TARBP2: variants seen among roughly 807,000 people sequenced by gnomAD.
TARBP2 encodes the protein TARBP2 subunit of RISC loading complex, also known as RISC-loading complex subunit TARBP2.
Under a neutral mutation model 40.4 loss-of-function variants are expected in TARBP2, and 23 were observed. That is an observed-to-expected ratio of 0.57 (90% CI 0.41 to 0.81). TARBP2 has a LOEUF of 0.81. Among genes scored for constraint, TARBP2 ranks in the 30% least tolerant of loss-of-function variants. The pLI is 0.00. For missense variants in TARBP2, 358 were observed against 473.7 expected (o/e 0.76, Z 2.27); for synonymous variants, 183 against 190.5 (o/e 0.96, Z 0.32).
At chr12:53,503,865 T>C (rs750233564) in intron 4 of TARBP2, 57 bp downstream of exon 4, 3 of 1,386,092 alleles carry the variant, frequency 2.2e-6, no homozygotes, top group Non-Finnish European at 2.1e-6. Context: ...TGGTTTTTGG[T>C]CCCTCAGTCC....
At chr12:53,501,203 C>G, upstream of TARBP2, 1 of 594,788 alleles carries the variant, frequency 1.7e-6, no homozygotes, top group South Asian at 2.1e-5. Flanking sequence ...GCGAGCCACG[C>G]ACGCAGAGGG....
In TARBP2 at chr12:53,503,772, C is replaced by G. The variant is rs183009410; in HGVS notation, c.386C>G (p.Ala129Gly). The G allele has an allele frequency of 1.2e-6, 2 of 1,614,214 alleles. No homozygotes were observed. Among genetic ancestry groups the G allele is most frequent in the East Asian group, 2.2e-5 (1 of 44,888 alleles). ...PEDIPVFTAA[A>G]AATPVPSVVL... is the part of the protein sequence containing the mutation. ...GACATTCCGGTTTTTACTGCTGCAG[C>G]AGCTGCTACCCCAGTTCCATCTGTA... The change falls in exon 4 of 9, where the codon GCA becomes GGA. Residue 129 changes from alanine to glycine, a missense_variant. Ala to Gly is a moderately conservative substitution (Grantham distance 60, BLOSUM62 0). Around this residue, in one of 3 missense-constraint regions of TARBP2, gnomAD observed 317 missense variants for 422.9 expected, o/e 0.75. Coordinates refer to ENST00000266987, the MANE Select transcript of TARBP2 (RefSeq NM_134323.2).
At position 53,506,181 on chromosome 12, in the gene TARBP2, T is replaced by C. The variant is rs1462439135; in HGVS notation, c.*33T>C. The C allele has an allele frequency of 6.2e-7, 1 of 1,601,746 alleles. No homozygotes were observed. Among genetic ancestry groups the C allele is most frequent in the Non-Finnish European group, 8.5e-7 (1 of 1,172,076 alleles). On this transcript the variant is annotated 3_prime_UTR_variant, in exon 9 of 9. Transcript: ENST00000266987. ...GCTGGACTCATGGATGTGCACCCTT[T>C]GCTCCCTGCTCTTTCTGCCTCTGGG...
chr12:53,503,017 CCT>C lies in TARBP2; in HGVS notation c.224-4_224-3del, dbSNP rs1802500861. Reference sequence around the variant, plus strand: ...GTGACCTCCAGTATTGCCCATGCCCCCTCTCTCAGGTCAGGGCCCCAGCAAGA... The same window carrying C: ...GTGACCTCCAGTATTGCCCATGCCCCCTCTCAGGTCAGGGCCCCAGCAAGA... On this transcript the variant is annotated splice_region_variant and splice_polypyrimidine_tract_variant and intron_variant, in intron 2 of 8. Transcript: ENST00000266987. 1 of 1,547,572 alleles carries C rather than the reference CCT, an allele frequency of 6.5e-7. No individual in the cohort carries two copies. The highest frequency in any genetic ancestry group is 1.7e-4 in the Middle Eastern group (1 of 5,964).
Position 53,504,733 on chromosome 12 carries a change from G to C in TARBP2, c.531G>C (p.Glu177Asp), listed in dbSNP as rs1378855936. The C allele has an allele frequency of 3.1e-6, 5 of 1,614,066 alleles. No homozygotes were observed. In the South Asian group the frequency reaches 5.5e-5, roughly 18 times the overall value. ...LVVQKGWRLP[E>D]YTVTQESGPA... is the part of the protein sequence containing the mutation. ...TGCAGAAAGGCTGGCGGTTGCCGGAGTACACAGTGACCCAGGAGTCTGGGC... is the reference window on the plus strand; with the variant it reads ...TGCAGAAAGGCTGGCGGTTGCCGGACTACACAGTGACCCAGGAGTCTGGGC... Residue 177 changes from glutamate to aspartate, a missense_variant, in exon 6 of 9, where the codon GAG (glutamate) becomes GAC (aspartate). This residue lies in a region of TARBP2 where 317 missense variants were observed against 422.9 expected (regional missense o/e 0.75). Coordinates refer to ENST00000266987, the MANE Select transcript of TARBP2 (RefSeq NM_134323.2).
In TARBP2 at chr12:53,501,417, A is replaced by G. The variant is rs1158215824; in HGVS notation, c.9A>G (p.Glu3=). ...CGGGGACGGAGGAGGGAATGAGTGA[A>G]GAGGAGCAAGGCTCCGGCACTACCA... MS[E]EEQGSGTTTG... The change falls in exon 1 of 9, where the codon GAA becomes GAG. Residue 3 remains glutamate (E), a synonymous_variant. Transcript: ENST00000266987. The G allele has an allele frequency of 1.3e-6, 2 of 1,566,480 alleles. No homozygotes were observed. The highest frequency in any genetic ancestry group is 1.7e-6 in the Non-Finnish European group (2 of 1,155,568).
Position 53,506,284 on chromosome 12 carries a change from G to A in TARBP2, c.*136G>A, listed in dbSNP as rs935211665. The A allele has an allele frequency of 4.2e-6, 5 of 1,190,020 alleles. No individual in the cohort carries two copies. In the South Asian group the frequency reaches 7.7e-5, roughly 18 times the overall value. 73.7% of individuals were successfully genotyped at this position (1,190,020 alleles called of 1,614,324 possible). On this transcript the variant is annotated 3_prime_UTR_variant, in exon 9 of 9. Coordinates refer to ENST00000266987, the MANE Select transcript of TARBP2 (RefSeq NM_134323.2). Reference sequence around the variant, plus strand: ...GACACAGACTGCCTGCCTTGAAGCTGAGAAGGCACAGGGCAAGGAGCCAAG... The same window carrying A: ...GACACAGACTGCCTGCCTTGAAGCTAAGAAGGCACAGGGCAAGGAGCCAAG...
At chr12:53,501,601 G>T (rs1188499799) in intron 1 of TARBP2, 140 bp downstream of exon 1, 3 of 1,476,836 alleles carry the variant, frequency 2.0e-6, no homozygotes, top group Admixed American at 2.5e-5. Context: ...TTCCCGGCGT[G>T]CACCGGGGCA....
In TARBP2 at chr12:53,504,833, G is replaced by C; in HGVS notation, c.613+18G>C. ...TGAGATTGGTAACTGGGCAAGAAGG[G>C]GTTCTCACAACTCCTCTCCCGCAGC... On this transcript the variant is annotated intron_variant, in intron 6 of 8. Coordinates refer to ENST00000266987, the MANE Select transcript of TARBP2 (RefSeq NM_134323.2). The C allele has an allele frequency of 6.2e-7, 1 of 1,612,686 alleles. No individual in the cohort carries two copies. The highest frequency in any genetic ancestry group is 8.5e-7 in the Non-Finnish European group (1 of 1,178,866).
At chr12:53,504,899 G>C in intron 6 of TARBP2, 84 bp downstream of exon 6, 1 of 1,532,056 alleles carries the variant, frequency 6.5e-7, no homozygotes, top group Non-Finnish European at 9.0e-7. Flanking sequence ...GCCTCACTCT[G>C]CTACACCCCC....
rs778754147 is a variant in TARBP2 at position 53,505,953 on chromosome 12, C to T, written c.944-38C>T. ...AACGCACCCCTCCCCAGGGCTACCTCCCCCAACATTGCCTCCCTCCTCTCT... is the reference window on the plus strand; with the variant it reads ...AACGCACCCCTCCCCAGGGCTACCTTCCCCAACATTGCCTCCCTCCTCTCT... On this transcript the variant is annotated intron_variant, in intron 8 of 8. Coordinates refer to ENST00000266987, the MANE Select transcript of TARBP2 (RefSeq NM_134323.2). The surrounding 1 kb of genome is among the most constrained non-coding windows in gnomAD (Gnocchi z 4.5). The T allele has an allele frequency of 2.5e-6, 4 of 1,606,788 alleles. No homozygotes were observed. The Admixed American group carries it at 6.7e-5, about 27-fold the overall frequency.
intron 4 of TARBP2, 106 bp downstream of exon 4, chr12:53,503,914 T>A: frequency 1.2e-6 from 1 of 836,516 alleles, no homozygotes; most frequent in Non-Finnish European, 2.0e-6. Flanking sequence ...AGTCTGAGAA[T>A]AAACAGAATG....
chr12:53,505,334 C>T lies in TARBP2; in HGVS notation c.741+72C>T. The T allele has an allele frequency of 6.6e-7, 1 of 1,521,808 alleles. No homozygotes were observed. Among genetic ancestry groups the T allele is most frequent in the Non-Finnish European group, 8.8e-7 (1 of 1,131,866 alleles). 94.3% of individuals were successfully genotyped at this position (1,521,808 alleles called of 1,614,324 possible). A position where few individuals can be genotyped will look rare whatever the true frequency, so the allele number is the denominator to read the frequency against. The stretch of plus-strand genomic sequence containing the variant: ...AGGGCAGGGCTCCAGGGACTTGGGT[C>T]TGTGACTCAGCAGTGAGCCTCTCTG... On this transcript the variant is annotated intron_variant, in intron 7 of 8. Coordinates refer to ENST00000266987, the MANE Select transcript of TARBP2 (RefSeq NM_134323.2). This position sits in a 1 kb window ranked among gnomAD's most constrained non-coding sequence, Gnocchi z 4.5.
At position 53,505,962 on chromosome 12, in the gene TARBP2, T is replaced by C; in HGVS notation, c.944-29T>C. 6.2e-7 allele frequency: 1 copy of C among 1,607,708 alleles called. No individual in the cohort carries two copies. The highest frequency in any genetic ancestry group is 1.1e-5 in the South Asian group (1 of 90,940). ...CTCCCCAGGGCTACCTCCCCCAACATTGCCTCCCTCCTCTCTCTTGCTCTC... is the reference window on the plus strand; with the variant it reads ...CTCCCCAGGGCTACCTCCCCCAACACTGCCTCCCTCCTCTCTCTTGCTCTC... On this transcript the variant is annotated intron_variant, in intron 8 of 8. Coordinates refer to ENST00000266987, the MANE Select transcript of TARBP2 (RefSeq NM_134323.2). This position sits in a 1 kb window ranked among gnomAD's most constrained non-coding sequence, Gnocchi z 4.5.
Position 53,504,394 on chromosome 12 carries a change from C to G in TARBP2, c.423-3C>G, listed in dbSNP as rs74090784. 5,524 of 1,553,002 alleles carry G rather than the reference C, an allele frequency of 3.6e-3. 166 individuals carry two copies. The African/African-American group carries it at 0.067, about 19-fold the overall frequency. On this transcript the variant is annotated splice_polypyrimidine_tract_variant and splice_region_variant and intron_variant, in intron 4 of 8. Coordinates refer to ENST00000266987, the MANE Select transcript of TARBP2 (RefSeq NM_134323.2). ...AACTTTGGCCCTGTGCCTTTTCCTT[C>G]AGGAGCCCCCCCATGGAACTGCAGC...
upstream of TARBP2, chr12:53,501,176 C>T (rs1943683271): frequency 1.8e-6 from 1 of 567,714 alleles, no homozygotes; most frequent in Non-Finnish European, 3.1e-6. Context: ...TCCCAGAAGG[C>T]GGTGCAGCCT....
intron 4 of TARBP2, 24 bp from the exon 5 acceptor site, chr12:53,504,373 T>C: frequency 6.5e-7 from 1 of 1,542,976 alleles, no homozygotes; most frequent in South Asian, 1.3e-5. Flanking sequence ...CACCTCAACT[T>C]TGGCCCTGTG....
At position 53,503,116 on chromosome 12, in the gene TARBP2, C is replaced by T. The variant is rs1230810380; in HGVS notation, c.313C>T (p.Leu105=). The T allele has an allele frequency of 6.5e-7, 1 of 1,549,966 alleles. No homozygotes were observed. Among genetic ancestry groups the T allele is most frequent in the Non-Finnish European group, 8.7e-7 (1 of 1,146,122 alleles). Residue 105 remains leucine (L), a synonymous_variant, in exon 3 of 9, where the codon CTG becomes TTG. Coordinates refer to ENST00000266987, the MANE Select transcript of TARBP2 (RefSeq NM_134323.2). ...LKGGSMLEPA[L]EDSSSFSPLD... ...AGGGGGGAGCATGCTGGAGCCGGCC[C>T]TGGAGGACAGCAGGTGAGGGAGGAA...
chr12:53,502,370 A>G, intron 2 of TARBP2, 186 bp downstream of exon 2: 1 of 724,506 alleles, frequency 1.4e-6, no homozygotes, highest in South Asian at 1.9e-5. Flanking sequence ...GACGTGGGAG[A>G]GTTAGAGGAG....
Sources: allele counts gnomAD v4.1 joint callset, GRCh38; gene constraint gnomAD v4.1.1; regional missense constraint gnomAD v4.1.1; non-coding constraint Gnocchi (gnomAD v3.1); transcripts MANE v1.5; gene names NCBI Gene and HGNC (gene_info 2026-07-23, HGNC 2026-07-21).